EIF3C: variants seen among roughly 807,000 people sequenced by gnomAD.
EIF3C encodes the protein cell migration-inducing protein 17.
A neutral mutation model predicts 11.1 loss-of-function variants in EIF3C; 2 were observed. The ratio of observed to expected loss-of-function variants is 0.18; its 90% confidence interval spans 0.07 to 0.57. EIF3C has a LOEUF of 0.57. EIF3C is among the 20% of genes least tolerant of loss of function. The pLI is 0.92. For missense variants in EIF3C, 16 were observed against 114.6 expected, an observed-to-expected ratio of 0.14 and a Z score of 3.93; for synonymous variants, 2 against 41.5, an observed-to-expected ratio of 0.05 and a Z score of 3.66.
rs2048268894 is a variant in EIF3C, at chr16:28,699,503, AGAG to A, written c.-31+10677_-31+10679del. 1.9e-5 allele frequency among the ~76,000 whole-genome samples: 2 copies of A among 104,850 alleles called. 1 individual carries two copies. Among genetic ancestry groups the A allele is most frequent in the Non-Finnish European group, 3.7e-5 (2 of 53,572 alleles). The allele number at this position is 104,850 out of a possible 152,430, so 68.8% of individuals were successfully genotyped here. A position where few individuals can be genotyped will look rare whatever the true frequency, so the allele number is the denominator to read the frequency against. ...GAGACGGAGAGGGAGAGGGAGAGGG[AGAG>A]GGAGAGGGAGAGGGCATGAAAATAG... On this transcript the variant is annotated intron_variant, in intron 1 of 20. Transcript: ENST00000566501.
At position 28,722,671 on chromosome 16, in the gene EIF3C, G is replaced by GT. The variant is rs1203426116; in HGVS notation, c.777-484dup. ...AGCTTTGGAGCAAAATGACAGGTTGGTTTTTTTTTGTTTTGTTTTGTTTTG... is the reference window on the plus strand; with the variant it reads ...AGCTTTGGAGCAAAATGACAGGTTGGTTTTTTTTTTGTTTTGTTTTGTTTTG... On this transcript the variant is annotated intron_variant, in intron 8 of 20. Coordinates refer to ENST00000331666, the MANE Select transcript of EIF3C (RefSeq NM_003752.5). 37 of 86,150 alleles carry GT rather than the reference G, an allele frequency of 4.3e-4. 2 individuals are homozygous for GT. Among genetic ancestry groups the GT allele is most frequent in the African/African-American group, 9.6e-4 (22 of 22,808 alleles). 5.3% of individuals were successfully genotyped at this position (86,150 alleles called of 1,614,324 possible). A position where few individuals can be genotyped will look rare whatever the true frequency, so the allele number is the denominator to read the frequency against.
chr16:28,723,159 G>A lies in EIF3C; in HGVS notation c.777-5G>A, dbSNP rs377109855. The A allele has an allele frequency of 5.7e-5, 92 of 1,613,322 alleles. No homozygotes were observed. In the Middle Eastern group the frequency reaches 1.8e-3, roughly 32 times the overall value. On this transcript the variant is annotated splice_region_variant and splice_polypyrimidine_tract_variant and intron_variant, in intron 8 of 20. Coordinates refer to ENST00000331666, the MANE Select transcript of EIF3C (RefSeq NM_003752.5). ...TCTGTCATCTTCTCCCATGTCTGTC[G>A]GCAGGGCACCCACCACAGATGAGGA...
At chr16:28,698,650 G>A (rs1291725622) in intron 1 of EIF3C, among the ~76,000 whole-genome samples, 1 of 82,760 alleles carries the variant, frequency 1.2e-5, no homozygotes, top group Non-Finnish European at 2.1e-5. Flanking sequence ...GTGGCTGCCG[G>A]GCGGAGAGGC....
chr16:28,701,003 C>T (rs1410166207), intron 1 of EIF3C: 3 of 154,134 alleles, frequency 1.9e-5, no homozygotes, highest in Non-Finnish European at 2.2e-5. Context: ...CGGGTTCAAG[C>T]GATTCTCCTG....
Position 28,700,618 on chromosome 16 carries a change from GC to G in EIF3C, c.-30-11035del, listed in dbSNP as rs1001465565. The stretch of plus-strand genomic sequence containing the variant: ...CTTTCTAGACGCGCAGCTTGGCGCA[GC>G]CCCGCACAGGCTCCGTGGAGGCTTC... On this transcript the variant is annotated intron_variant, in intron 1 of 20. Transcript: ENST00000566501. 2 of 249,994 alleles carry G rather than the reference GC, an allele frequency of 8.0e-6. 1 individual carries two copies. Among genetic ancestry groups the G allele is most frequent in the African/African-American group, 7.5e-5 (2 of 26,564 alleles). 15.5% of individuals were successfully genotyped at this position (249,994 alleles called of 1,614,324 possible).
rs1215739130 is a variant in EIF3C, at chr16:28,697,792, G to A, written c.-31+8964G>A. 1.0e-4 allele frequency among the ~76,000 whole-genome samples: 10 copies of A among 97,262 alleles called. 3 individuals are homozygous for A. The highest frequency in any genetic ancestry group is 3.5e-4 in the East Asian group (1 of 2,872). 63.8% of individuals were successfully genotyped at this position (97,262 alleles called of 152,430 possible). Reference sequence around the variant, plus strand: ...CGGGCAGAGGCGCCCCTCACCTCCCGGATGGGGCGGCTCGCCGGGCAGGGG... The same window carrying A: ...CGGGCAGAGGCGCCCCTCACCTCCCAGATGGGGCGGCTCGCCGGGCAGGGG... On this transcript the variant is annotated intron_variant, in intron 1 of 20. Coordinates refer to the EIF3C transcript ENST00000566501.
intron 1 of EIF3C, among the ~76,000 whole-genome samples, chr16:28,697,975 G>C (rs1399796692): frequency 1.7e-4 from 14 of 80,616 alleles, no homozygotes. Context: ...CTCCCGGGCG[G>C]GGCGGCTGGC....
rs1340138016 is a variant in EIF3C, at chr16:28,723,209, G to A, written c.822G>A (p.Arg274=). 8 of 1,614,124 alleles carry A rather than the reference G, an allele frequency of 5.0e-6. No homozygotes were observed. The Admixed American group carries it at 1.3e-4, about 27-fold the overall frequency. ...DEDKKAAEKK[R]EDKAKKKHDR... ...ACAAGAAGGCAGCCGAGAAGAAACG[G>A]GAGGACAAAGCTAAGAAGAAGCACG... Residue 274 remains arginine (R), a synonymous_variant, in exon 9 of 21, where the codon CGG becomes CGA. Transcript: ENST00000331666.
chr16:28,697,018 G>A lies in EIF3C; in HGVS notation c.-31+8190G>A, dbSNP rs1432528154. 1.2e-4 allele frequency among the ~76,000 whole-genome samples: 4 copies of A among 32,076 alleles called. 2 individuals are homozygous for A. Among genetic ancestry groups the A allele is most frequent in the Non-Finnish European group, 2.0e-4 (4 of 19,576 alleles). The allele number at this position is 32,076 out of a possible 152,430, so 21.0% of individuals were successfully genotyped here. The stretch of plus-strand genomic sequence containing the variant: ...TCACTCCTGTTGCCCAGTCTAGAGC[G>A]CAATGGGGTGATCTCAGCCCACTGC... On this transcript the variant is annotated intron_variant, in intron 1 of 20. Coordinates refer to the EIF3C transcript ENST00000566501.
intron 1 of EIF3C, among the ~76,000 whole-genome samples, chr16:28,698,661 T>C (rs2048261497): frequency 1.4e-5 from 1 of 72,526 alleles, no homozygotes. Context: ...GCGGAGAGGC[T>C]CCTCACTTCT....
In EIF3C at chr16:28,695,806, G is replaced by C. The variant is rs1461070702; in HGVS notation, c.-31+6978G>C. On this transcript the variant is annotated intron_variant, in intron 1 of 20. Transcript: ENST00000566501. ...AGATTGAGACCATCCTGGCTAACAC[G>C]ATGAAACCCCATCTCTACTACAAAT... Among the ~76,000 whole-genome samples, 73 of 50,608 alleles carry C rather than the reference G, an allele frequency of 1.4e-3. 32 individuals carry two copies. Among genetic ancestry groups the C allele is most frequent in the Non-Finnish European group, 2.5e-3 (68 of 27,694 alleles). The allele number at this position is 50,608 out of a possible 152,430, so 33.2% of individuals were successfully genotyped here.
chr16:28,698,540 C>T (rs1424229083), intron 1 of EIF3C, among the ~76,000 whole-genome samples: 1 of 94,356 alleles, frequency 1.1e-5, no homozygotes, highest in Non-Finnish European at 1.9e-5. Flanking sequence ...CTGACCCCCC[C>T]CACCTCCCTC....
chr16:28,729,892 C>T lies in EIF3C; in HGVS notation c.1819-1937C>T, dbSNP rs1236764133. 9.3e-5 allele frequency among the ~76,000 whole-genome samples: 14 copies of T among 150,568 alleles called. 1 individual carries two copies. Among genetic ancestry groups the T allele is most frequent in the South Asian group, 6.4e-4 (3 of 4,724 alleles). ...GGAGGATTGCTTGAGCTCAGGAGGTCGAGGCTGCAGGAGCCACGATCACGC... is the reference window on the plus strand; with the variant it reads ...GGAGGATTGCTTGAGCTCAGGAGGTTGAGGCTGCAGGAGCCACGATCACGC... On this transcript the variant is annotated intron_variant, in intron 15 of 20. Coordinates refer to ENST00000331666, the MANE Select transcript of EIF3C (RefSeq NM_003752.5).
intron 1 of EIF3C, among the ~76,000 whole-genome samples, chr16:28,697,808 C>T (rs1255106092): frequency 4.3e-5 from 4 of 94,054 alleles, no homozygotes; most frequent in Non-Finnish European, 7.8e-5. Flanking sequence ...GGCGGCTCGC[C>T]GGGCAGGGGG....
chr16:28,697,761 G>C lies in EIF3C; in HGVS notation c.-31+8933G>C. Among the ~76,000 whole-genome samples the C allele has an allele frequency of 2.1e-5, 2 of 94,028 alleles. 1 individual carries two copies. Among genetic ancestry groups the C allele is most frequent in the East Asian group, 7.1e-4 (2 of 2,814 alleles). 61.7% of individuals were successfully genotyped at this position (94,028 alleles called of 152,430 possible). A position where few individuals can be genotyped will look rare whatever the true frequency, so the allele number is the denominator to read the frequency against. The stretch of plus-strand genomic sequence containing the variant: ...GAGGGGCTCCTCACTTCCCAGTAGG[G>C]GTGGCCGGGCAGAGGCGCCCCTCAC... On this transcript the variant is annotated intron_variant, in intron 1 of 20. Coordinates refer to the EIF3C transcript ENST00000566501.
intron 1 of EIF3C, among the ~76,000 whole-genome samples, chr16:28,696,319 T>C (rs2048238446): frequency 2.1e-5 from 1 of 46,664 alleles, no homozygotes. Flanking sequence ...TGAGCTGAGA[T>C]CATACCACTG....
intron 15 of EIF3C, among the ~76,000 whole-genome samples, chr16:28,728,492 AGG>A (rs1435543253): frequency 0.012 from 941 of 77,086 alleles, 43 homozygotes; most frequent in Non-Finnish European, 0.019. Flanking sequence ...TGTATCTTTT[AGG>A]GGGTGTGTGT....
At chr16:28,723,110 GC>G in intron 8 of EIF3C, 53 bp from the exon 9 acceptor site, 1 of 1,592,260 alleles carries the variant, frequency 6.3e-7, no homozygotes, top group Non-Finnish European at 8.6e-7. Flanking sequence ...GGAGGAAGAA[GC>G]CTTAGAGGTG....
chr16:28,699,476 C>G (rs1422840060), intron 1 of EIF3C, among the ~76,000 whole-genome samples: 7 of 86,654 alleles, frequency 8.1e-5, no homozygotes, highest in South Asian at 1.6e-3. Context: ...GAGACGGAGA[C>G]GGAGACGGAG....
Sources: gnomAD v4.1 joint callset for allele counts (sites outside exome capture counted in the v4.1 genomes callset) on GRCh38, gnomAD v4.1.1 for gene constraint, MANE v1.5 for transcripts, NCBI Gene and HGNC (gene_info 2026-07-23, HGNC 2026-07-21) for gene names.